SLC5A4: variants seen among roughly 807,000 people sequenced by gnomAD.
The protein encoded by SLC5A4 is probable glucose sensor protein SLC5A4.
In SLC5A4, 55 loss-of-function variants were observed where a neutral mutation model predicts 70.3. The observed-to-expected ratio is 0.78, with a 90% confidence interval of 0.63 to 0.98. The LOEUF is 0.98. Ranked by LOEUF, SLC5A4 falls within the 50% of genes least tolerant of loss-of-function variation. The probability of loss-of-function intolerance (pLI) is 0.00; values close to 1 mark genes in which losing one functional copy is unlikely to be tolerated. For missense variants in SLC5A4, 735 were observed against 839.2 expected, an observed-to-expected ratio of 0.88 and a Z score of 1.53; for synonymous variants, 268 against 305.7, an observed-to-expected ratio of 0.88 and a Z score of 1.29.
At chr22:32,248,480 T>C (rs1049036455) in intron 4 of SLC5A4, among the ~76,000 whole-genome samples, 1 of 152,086 alleles carries the variant, frequency 6.6e-6, no homozygotes, top group Non-Finnish European at 1.5e-5. Context: ...ACCACCAGCT[T>C]CCTGTTGACC....
rs1926347765 is a variant in SLC5A4 at position 32,239,564 on chromosome 22, ATATATTTATATAT to A, written c.478-487_478-475del. ...TATATATATATATATATATATATAT[ATATATTTATATAT>A]ATATTTATATATATATAAATTATAT... On this transcript the variant is annotated intron_variant, in intron 5 of 14. Coordinates refer to ENST00000266086, the MANE Select transcript of SLC5A4 (RefSeq NM_014227.3). Among the ~76,000 whole-genome samples, 2 of 20,118 alleles carry A rather than the reference ATATATTTATATAT, an allele frequency of 9.9e-5. 1 individual carries two copies. Among genetic ancestry groups the A allele is most frequent in the Non-Finnish European group, 1.8e-4 (2 of 11,316 alleles). The allele number at this position is 20,118 out of a possible 152,430, so 13.2% of individuals were successfully genotyped here. A position where few individuals can be genotyped will look rare whatever the true frequency, so the allele number is the denominator to read the frequency against.
chr22:32,324,815 T>C, the SLC5A4 span, among the ~76,000 whole-genome samples: 2 of 152,200 alleles, frequency 1.3e-5, no homozygotes, highest in Non-Finnish European at 2.9e-5. Context: ...AGCAGGGCTA[T>C]CACTCCTGTG....
the SLC5A4 span, among the ~76,000 whole-genome samples, chr22:32,338,908 T>C: frequency 6.6e-6 from 1 of 152,218 alleles, no homozygotes; most frequent in Non-Finnish European, 1.5e-5. Context: ...TGCTGTTTTC[T>C]GGAGTATGTC....
chr22:32,240,969 C>T (rs954455950), intron 5 of SLC5A4, among the ~76,000 whole-genome samples: 1 of 152,226 alleles, frequency 6.6e-6, no homozygotes, highest in East Asian at 1.9e-4. Context: ...AGTTTGTGAA[C>T]TTCCATGAAT....
chr22:32,321,441 G>C, the SLC5A4 span, among the ~76,000 whole-genome samples: 31 of 151,246 alleles, frequency 2.0e-4, no homozygotes, highest in African/African-American at 7.5e-4. Flanking sequence ...GGCAGAGCGA[G>C]ACTCTGTCTC....
At chr22:32,270,207 C>T in the SLC5A4 span, 1 of 668,914 alleles carries the variant, frequency 1.5e-6, no homozygotes, top group Middle Eastern at 2.8e-4. Flanking sequence ...AGGTGTGTGA[C>T]AGCATCCTTA....
the SLC5A4 span, among the ~76,000 whole-genome samples, chr22:32,263,541 A>G: frequency 3.9e-5 from 6 of 152,214 alleles, no homozygotes; most frequent in African/African-American, 1.4e-4. Context: ...TTAAAAAGTC[A>G]GGAAACAACA....
the SLC5A4 span, among the ~76,000 whole-genome samples, chr22:32,354,189 C>A: frequency 7.2e-6 from 1 of 138,466 alleles, no homozygotes. Context: ...CCCCAACCAG[C>A]CTCCCACCCC....
intron 9 of SLC5A4, among the ~76,000 whole-genome samples, chr22:32,231,616 G>A (rs983956430): frequency 6.6e-6 from 1 of 152,168 alleles, no homozygotes; most frequent in East Asian, 1.9e-4. Flanking sequence ...CAACAGACAG[G>A]GAGAATTGAT....
At chr22:32,309,033 T>G in the SLC5A4 span, among the ~76,000 whole-genome samples, 72,553 of 151,912 alleles carry the variant, frequency 0.48, 17,510 homozygotes, top group Admixed American at 0.52. Flanking sequence ...CTGCCTCCTG[T>G]GTTCATGTTA....
chr22:32,254,334 G>T (rs1451122036), intron 1 of SLC5A4, 121 bp from the exon 2 acceptor site: 17 of 696,052 alleles, frequency 2.4e-5, no homozygotes, highest in Non-Finnish European at 4.4e-5. Context: ...GAAACATTTC[G>T]CTGGAAAGTG....
At chr22:32,288,017 CTTTT>C in the SLC5A4 span, among the ~76,000 whole-genome samples, 1 of 96,408 alleles carries the variant, frequency 1.0e-5, no homozygotes, top group Non-Finnish European at 2.1e-5. Flanking sequence ...TTCTTTCTTT[CTTTT>C]TTTTTTTTTT....
intron 5 of SLC5A4, among the ~76,000 whole-genome samples, chr22:32,243,571 A>C (rs1926657164): frequency 6.6e-6 from 1 of 152,156 alleles, no homozygotes; most frequent in Non-Finnish European, 1.5e-5. Context: ...AGTTTAAAAA[A>C]CCATCATTTT....
chr22:32,238,079 T>C (rs962614572), intron 6 of SLC5A4, among the ~76,000 whole-genome samples: 1 of 152,124 alleles, frequency 6.6e-6, no homozygotes, highest in African/African-American at 2.4e-5. Flanking sequence ...TAACAGGAAC[T>C]GTTGGAAGAC....
In SLC5A4 at chr22:32,220,915, A is replaced by G. The variant is rs1366295481; in HGVS notation, c.1768+5T>C. Reference sequence around the variant, plus strand: ...CATGAAAACCAAATGTAAACCAAATATTACCTTCTTCAACACCATCATCTG... The same window carrying G: ...CATGAAAACCAAATGTAAACCAAATGTTACCTTCTTCAACACCATCATCTG... On this transcript the variant is annotated splice_donor_5th_base_variant and intron_variant, in intron 14 of 14. Coordinates refer to ENST00000266086, the MANE Select transcript of SLC5A4 (RefSeq NM_014227.3). 6.3e-7 allele frequency: 1 copy of G among 1,588,040 alleles called. No individual in the cohort carries two copies. Among genetic ancestry groups the G allele is most frequent in the Non-Finnish European group, 8.6e-7 (1 of 1,156,204 alleles).
the SLC5A4 span, among the ~76,000 whole-genome samples, chr22:32,334,777 G>A: frequency 9.9e-5 from 15 of 152,126 alleles, no homozygotes; most frequent in Admixed American, 3.3e-4. Context: ...CACACTGATC[G>A]GGGGACACAT....
chr22:32,292,857 T>C, the SLC5A4 span, among the ~76,000 whole-genome samples: 1 of 152,190 alleles, frequency 6.6e-6, no homozygotes, highest in Non-Finnish European at 1.5e-5. Flanking sequence ...TGACCTGTTG[T>C]AGAGAGAGGT....
chr22:32,323,932 G>C, the SLC5A4 span, among the ~76,000 whole-genome samples: 1 of 152,016 alleles, frequency 6.6e-6, no homozygotes, highest in African/African-American at 2.4e-5. Flanking sequence ...TCTGGGGTGG[G>C]GGCAGCCTCA....
rs1925351360 is a variant in SLC5A4, at chr22:32,225,667, T to C, written c.1437A>G (p.Arg479=). 4 of 1,609,268 alleles carry C rather than the reference T, an allele frequency of 2.5e-6. No homozygotes were observed. The highest frequency in any genetic ancestry group is 1.7e-6 in the Non-Finnish European group (2 of 1,178,360). Residue 479 remains arginine, a synonymous_variant, in exon 12 of 15, where the codon AGA becomes AGG. Coordinates refer to ENST00000266086, the MANE Select transcript of SLC5A4 (RefSeq NM_014227.3). ...AVFVLAIFCK[R]VNEQGAFWGL... ...AGTTTTCACTCACCTGTTCATTGAC[T>C]CTTTTACAGAAGATGGCAAGCACAA...
Sources: gnomAD v4.1 joint callset for allele counts (sites outside exome capture counted in the v4.1 genomes callset) on GRCh38, gnomAD v4.1.1 for gene constraint, MANE v1.5 for transcripts, NCBI Gene and HGNC (gene_info 2026-07-23, HGNC 2026-07-21) for gene names.